The following RBBP6 variants were observed in gnomAD, a reference collection of about 807,000 sequenced individuals.
The protein encoded by RBBP6 is RB binding protein 6, ubiquitin ligase, also known as E3 ubiquitin-protein ligase RBBP6.
A neutral mutation model predicts 167.7 loss-of-function variants in RBBP6; 25 were observed. That is an observed-to-expected ratio of 0.15 (90% CI 0.11 to 0.21). The LOEUF is 0.21. Ranked by LOEUF, RBBP6 falls within the 10% of genes least tolerant of loss-of-function variation. The probability of loss-of-function intolerance (pLI) is 1.00; values close to 1 mark genes in which losing one functional copy is unlikely to be tolerated. For missense variants in RBBP6, 1,868 were observed against 2,134.2 expected (o/e 0.88, Z 2.46); for synonymous variants, 789 against 735.8 (o/e 1.07, Z -1.17).
chr16:24,556,005 G>A, intron 6 of RBBP6, 88 bp downstream of exon 6: 1 of 1,184,958 alleles, frequency 8.4e-7, no homozygotes. Context: ...GGTTAATACT[G>A]CCTTCTGTAG....
chr16:24,549,444 T>C (rs1567272174), intron 3 of RBBP6: 1 of 922,326 alleles, frequency 1.1e-6, no homozygotes, highest in East Asian at 1.2e-4. Flanking sequence ...TTTTGTTAGT[T>C]TTTTTTTTCC....
At chr16:24,542,637 A>G (rs1024530642) in intron 1 of RBBP6, among the ~76,000 whole-genome samples, 3 of 151,532 alleles carry the variant, frequency 2.0e-5, no homozygotes, top group African/African-American at 7.3e-5. Context: ...TTTTTTTTGT[A>G]TTTTTAGTAG....
At position 24,572,488 on chromosome 16, in the gene RBBP6, TA is replaced by T. The variant is rs1449687365; in HGVS notation, c.*44del. ...ATTGACTTAATTACTAAGTCATCTG[TA>T]TTAAATTTTGTTATAATGTAAAGAG... On this transcript the variant is annotated 3_prime_UTR_variant, in exon 18 of 18. Transcript: ENST00000319715. The T allele has an allele frequency of 6.7e-7, 1 of 1,485,882 alleles. No individual in the cohort carries two copies. 92.0% of individuals were successfully genotyped at this position (1,485,882 alleles called of 1,614,324 possible).
rs760443425 is a variant in RBBP6, at chr16:24,570,506, G to C, written c.3809+7G>C. The C allele has an allele frequency of 2.6e-6, 4 of 1,561,596 alleles. No individual in the cohort carries two copies. The highest frequency in any genetic ancestry group is 1.2e-5 in the South Asian group (1 of 81,586). Reference sequence around the variant, plus strand: ...CTCTGGTGGATTACACCAGGTAGCTGAGTGTAGGGGGTGGGTGTGGAACTT... The same window carrying C: ...CTCTGGTGGATTACACCAGGTAGCTCAGTGTAGGGGGTGGGTGTGGAACTT... On this transcript the variant is annotated splice_region_variant and intron_variant, in intron 17 of 17. Coordinates refer to ENST00000319715, the MANE Select transcript of RBBP6 (RefSeq NM_006910.5).
At chr16:24,541,205 C>CAAAAAAAAAAAAAAAAAAAAAAAAAA (rs933107246) in intron 1 of RBBP6, among the ~76,000 whole-genome samples, 1 of 79,268 alleles carries the variant, frequency 1.3e-5, no homozygotes, top group African/African-American at 5.4e-5. Context: ...AAAAAAAAAC[C>CAAAAAAAAAAAAAAAAAAAAAAAAAA]AAAAAAACAA....
At chr16:24,557,181 T>A (rs1898932569) in intron 7 of RBBP6, among the ~76,000 whole-genome samples, 1 of 151,984 alleles carries the variant, frequency 6.6e-6, no homozygotes, top group Admixed American at 6.5e-5. Flanking sequence ...TGTATTTTTT[T>A]AGTAGAGACG....
In RBBP6 at chr16:24,568,973, C is replaced by G. The variant is rs781014918; in HGVS notation, c.2283C>G (p.Pro761=). The G allele has an allele frequency of 3.7e-6, 6 of 1,614,102 alleles. No individual in the cohort carries two copies. In the South Asian group the frequency reaches 5.5e-5, roughly 15 times the overall value. The stretch of plus-strand genomic sequence containing the variant: ...ATCATCGATCTAGGTCAAGGTCACC[C>G]CCTTACAGACGCTATCATTCACGAT... ...HGYHRSRSRS[P]PYRRYHSRSR... is the part of the protein sequence containing the mutation. Residue 761 remains proline (P), a synonymous_variant, in exon 17 of 18, where the codon CCC becomes CCG. Transcript: ENST00000319715.
In RBBP6 at chr16:24,571,502, C is replaced by A. The variant is rs557520532; in HGVS notation, c.4436C>A (p.Thr1479Asn). 3 of 1,613,062 alleles carry A rather than the reference C, an allele frequency of 1.9e-6. No homozygotes were observed. The highest frequency in any genetic ancestry group is 1.3e-5 in the African/African-American group (1 of 74,812). ...PNRDKKTDYD[T>N]REYSSSKRRD... ...AGAGACAAAAAAACTGACTATGACA[C>A]CAGAGAGTATTCAAGTTCCAAACGT... The change falls in exon 18 of 18, where the codon ACC becomes AAC. Residue 1479 changes from threonine (T) to asparagine (N), a missense_variant. Thr to Asn is a moderately conservative substitution (Grantham distance 65, BLOSUM62 0). Around this residue, in one of 7 missense-constraint regions of RBBP6, gnomAD observed 591 missense variants for 540.5 expected, o/e 1.09. Transcript: ENST00000319715.
chr16:24,563,489 A>G lies in RBBP6; in HGVS notation c.1453A>G (p.Ile485Val). The stretch of plus-strand genomic sequence containing the variant: ...ACAGTCATTATTGCATGGACAGTTG[A>G]TCCCCACAACTGGTGAGTAAGATCA... ...LGQSLLHGQL[I>V]PTTGPVRINT... The change falls in exon 12 of 18, where the codon ATC becomes GTC. Residue 485 changes from isoleucine (I) to valine (V), a missense_variant. By Grantham distance (29) the Ile-to-Val change is conservative. Coordinates refer to ENST00000319715, the MANE Select transcript of RBBP6 (RefSeq NM_006910.5). 6.2e-7 allele frequency: 1 copy of G among 1,612,008 alleles called. No homozygotes were observed. The highest frequency in any genetic ancestry group is 1.1e-5 in the South Asian group (1 of 90,988).
At position 24,571,417 on chromosome 16, in the gene RBBP6, A is replaced by G. The variant is rs1214263989; in HGVS notation, c.4351A>G (p.Arg1451Gly). 2 of 1,613,696 alleles carry G rather than the reference A, an allele frequency of 1.2e-6. No individual in the cohort carries two copies. The highest frequency in any genetic ancestry group is 1.7e-6 in the Non-Finnish European group (2 of 1,179,994). The change falls in exon 18 of 18, where the codon AGA becomes GGA. Residue 1451 changes from arginine to glycine, a missense_variant. By Grantham distance (125) the Arg-to-Gly change is moderately radical. Coordinates refer to ENST00000319715, the MANE Select transcript of RBBP6 (RefSeq NM_006910.5). ...TCTGTCTCAATCTTCCAAAGAGGCT[A>G]GAACGTCAGATAAACATGATTCCAC... ...KSLSQSSKEA[R>G]TSDKHDSTRA...
intron 1 of RBBP6, among the ~76,000 whole-genome samples, chr16:24,544,154 C>G (rs929028034): frequency 2.6e-5 from 4 of 152,154 alleles, no homozygotes; most frequent in Non-Finnish European, 5.9e-5. Context: ...TTGGAAAGCT[C>G]TTGTGAGTGC....
chr16:24,571,959 A>T lies in RBBP6; in HGVS notation c.4893A>T (p.Glu1631Asp). The T allele has an allele frequency of 6.2e-7, 1 of 1,613,802 alleles. No homozygotes were observed. The highest frequency in any genetic ancestry group is 8.5e-7 in the Non-Finnish European group (1 of 1,179,944). ...SSRLSSDLTR[E>D]TDEAAFEPDY... ...GACTTTCCTCTGACTTAACTAGAGA[A>T]ACTGATGAAGCTGCTTTTGAACCAG... The change falls in exon 18 of 18, where the codon GAA becomes GAT. Residue 1631 changes from glutamate (E) to aspartate (D), a missense_variant. Coordinates refer to ENST00000319715, the MANE Select transcript of RBBP6 (RefSeq NM_006910.5).
At position 24,571,138 on chromosome 16, in the gene RBBP6, A is replaced by G. The variant is rs1899319640; in HGVS notation, c.4072A>G (p.Asn1358Asp). The change falls in exon 18 of 18, where the codon AAT becomes GAT. Residue 1358 changes from asparagine (N) to aspartate (D), a missense_variant. Physicochemically the swap from Asn to Asp is conservative, Grantham distance 23 (BLOSUM62 1). Coordinates refer to ENST00000319715, the MANE Select transcript of RBBP6 (RefSeq NM_006910.5). ...AAAAAATGTTAGTACAAAGCCATCA[A>G]ATATAGTCAAGTATCCTGAGAAAGA... ...VIKNVSTKPSNIVKYPEKESE... is the reference protein window; with the variant it reads ...VIKNVSTKPSDIVKYPEKESE... 1.2e-6 allele frequency: 2 copies of G among 1,613,732 alleles called. No individual in the cohort carries two copies. Among genetic ancestry groups the G allele is most frequent in the African/African-American group, 2.7e-5 (2 of 75,048 alleles).
Position 24,570,081 on chromosome 16 carries a change from A to C in RBBP6, c.3391A>C (p.Lys1131Gln). The stretch of plus-strand genomic sequence containing the variant: ...GCTAACAACTAAGGAAGAAAAGGCC[A>C]AGAAGCCTAATGAGAAAAACAAACC... Reference protein sequence around the residue: ...EKLTTKEEKAKKPNEKNKPLD... With the variant: ...EKLTTKEEKAQKPNEKNKPLD... The change falls in exon 17 of 18, where the codon AAG becomes CAG. Residue 1131 changes from lysine (K) to glutamine (Q), a missense_variant. Lys to Gln is a moderately conservative substitution (Grantham distance 53). Around this residue, in one of 7 missense-constraint regions of RBBP6, gnomAD observed 673 missense variants for 691.5 expected, o/e 0.97. Coordinates refer to ENST00000319715, the MANE Select transcript of RBBP6 (RefSeq NM_006910.5). The C allele has an allele frequency of 6.2e-7, 1 of 1,607,294 alleles. No individual in the cohort carries two copies. Among genetic ancestry groups the C allele is most frequent in the Non-Finnish European group, 8.5e-7 (1 of 1,178,596 alleles).
At chr16:24,556,111 C>G (rs1393067425) in intron 6 of RBBP6, among the ~76,000 whole-genome samples, 194 bp downstream of exon 6, 2 of 152,198 alleles carry the variant, frequency 1.3e-5, no homozygotes, top group African/African-American at 4.8e-5. Context: ...TACTTGATCT[C>G]TATAAGCCTG....
rs530194503 is a variant in RBBP6 at position 24,553,625 on chromosome 16, G to A, written c.348+68G>A. The A allele has an allele frequency of 4.7e-5, 61 of 1,310,806 alleles. No homozygotes were observed. The African/African-American group carries it at 5.7e-4, about 12-fold the overall frequency. 81.2% of individuals were successfully genotyped at this position (1,310,806 alleles called of 1,614,324 possible). A position where few individuals can be genotyped will look rare whatever the true frequency, so the allele number is the denominator to read the frequency against. ...AACATCATATTTTTTTATGTGGAACGGTTTTTTAAGAGGGGTTGGGGGAGG... is the reference window on the plus strand; with the variant it reads ...AACATCATATTTTTTTATGTGGAACAGTTTTTTAAGAGGGGTTGGGGGAGG... On this transcript the variant is annotated intron_variant, in intron 4 of 17. Coordinates refer to ENST00000319715, the MANE Select transcript of RBBP6 (RefSeq NM_006910.5).
In RBBP6 at chr16:24,571,551, A is replaced by G. The variant is rs141394682; in HGVS notation, c.4485A>G (p.Thr1495=). Residue 1495 remains threonine, a synonymous_variant, in exon 18 of 18, where the codon ACA becomes ACG. Transcript: ENST00000319715. ...SKRRDEKNEL[T]RRKDSPSRNK... Reference sequence around the variant, plus strand: ...GTAGAGATGAAAAGAATGAATTAACAAGACGAAAAGACTCTCCTTCTCGGA... The same window carrying G: ...GTAGAGATGAAAAGAATGAATTAACGAGACGAAAAGACTCTCCTTCTCGGA... The G allele has an allele frequency of 2.4e-3, 3,843 of 1,613,552 alleles. 15 individuals are homozygous for G. The highest frequency in any genetic ancestry group is 5.4e-3 in the Admixed American group (325 of 59,916).
At position 24,571,604 on chromosome 16, in the gene RBBP6, A is replaced by G. The variant is rs1351958752; in HGVS notation, c.4538A>G (p.Asn1513Ser). The G allele has an allele frequency of 4.3e-6, 7 of 1,611,002 alleles. No individual in the cohort carries two copies. In the East Asian group the frequency reaches 1.6e-4, roughly 36 times the overall value. ...RNKDSASGQKNKPREERDLPK... is the reference protein window; with the variant it reads ...RNKDSASGQKSKPREERDLPK... Reference sequence around the variant, plus strand: ...AAAGATTCTGCATCTGGACAGAAAAATAAACCAAGGGAAGAGAGAGATTTG... The same window carrying G: ...AAAGATTCTGCATCTGGACAGAAAAGTAAACCAAGGGAAGAGAGAGATTTG... The change falls in exon 18 of 18, where the codon AAT becomes AGT. Residue 1513 changes from asparagine to serine, a missense_variant. Physicochemically the swap from Asn to Ser is conservative, Grantham distance 46. Around this residue, in one of 7 missense-constraint regions of RBBP6, gnomAD observed 591 missense variants for 540.5 expected, o/e 1.09. Coordinates refer to ENST00000319715, the MANE Select transcript of RBBP6 (RefSeq NM_006910.5).
Position 24,571,131 on chromosome 16 carries a change from G to A in RBBP6, c.4065G>A (p.Lys1355=), listed in dbSNP as rs1567281763. The stretch of plus-strand genomic sequence containing the variant: ...GTGTTATAAAAAATGTTAGTACAAA[G>A]CCATCAAATATAGTCAAGTATCCTG... ...PASVIKNVST[K]PSNIVKYPEK... The change falls in exon 18 of 18, where the codon AAG becomes AAA. Residue 1355 remains lysine (K), a synonymous_variant. Coordinates refer to ENST00000319715, the MANE Select transcript of RBBP6 (RefSeq NM_006910.5). 1.9e-6 allele frequency: 3 copies of A among 1,613,492 alleles called. No individual in the cohort carries two copies. Among genetic ancestry groups the A allele is most frequent in the South Asian group, 1.1e-5 (1 of 91,010 alleles).
Sources: gnomAD v4.1 joint callset for allele counts (sites outside exome capture counted in the v4.1 genomes callset) on GRCh38, gnomAD v4.1.1 for gene constraint, gnomAD v4.1.1 regional missense constraint, MANE v1.5 for transcripts, NCBI Gene and HGNC (gene_info 2026-07-23, HGNC 2026-07-21) for gene names.